The following PRDM16 variants were observed in gnomAD, a reference collection of about 807,000 sequenced individuals.
The protein encoded by PRDM16 is histone-lysine N-methyltransferase PRDM16.
Under a neutral mutation model 110.6 loss-of-function variants are expected in PRDM16, and 23 were observed. The ratio of observed to expected loss-of-function variants is 0.21; its 90% CI spans 0.15 to 0.29. The LOEUF (loss-of-function observed/expected upper bound fraction) is 0.29, where lower values mean the gene tolerates loss of function less well. Among genes scored for constraint, PRDM16 ranks in the 10% least tolerant of loss-of-function variants. The pLI, the probability that PRDM16 is intolerant of heterozygous loss-of-function variation, is 1.00. For synonymous variants in PRDM16, 799 were observed against 781.8 expected (o/e 1.02, Z -0.37); for missense variants, 1,615 against 1,794.3 (o/e 0.90, Z 1.81).
intron 2 of PRDM16, among the ~76,000 whole-genome samples, chr1:3,202,367 C>T (rs1638649629): frequency 3.5e-5 from 1 of 28,258 alleles, no homozygotes; most frequent in African/African-American, 1.4e-4. Context: ...CTGGGGAAGC[C>T]TAGGGGAGGC....
chr1:3,296,795 AT>A (rs1273196050), intron 3 of PRDM16, among the ~76,000 whole-genome samples: 4 of 152,200 alleles, frequency 2.6e-5, no homozygotes, highest in African/African-American at 9.6e-5. Flanking sequence ...TTAAGTGCAG[AT>A]GTTCCTGGAC....
intron 1 of PRDM16, among the ~76,000 whole-genome samples, chr1:3,093,812 C>T (rs1642330123): frequency 6.6e-6 from 1 of 152,194 alleles, no homozygotes; most frequent in South Asian, 2.1e-4. Context: ...CCCAATGTAG[C>T]CCAGCTCCGA....
chr1:3,102,622 G>A (rs776617142), intron 1 of PRDM16, among the ~76,000 whole-genome samples: 2 of 152,198 alleles, frequency 1.3e-5, no homozygotes, highest in South Asian at 2.1e-4. Context: ...GTTTGCCCTC[G>A]GAGACAGGCT....
At chr1:3,267,280 T>A (rs1640317123) in intron 3 of PRDM16, among the ~76,000 whole-genome samples, 1 of 152,248 alleles carries the variant, frequency 6.6e-6, no homozygotes, top group Non-Finnish European at 1.5e-5. Context: ...GTGGCTCTTA[T>A]GGCTAAAATG....
rs529401311 is a variant in PRDM16 at position 3,411,942 on chromosome 1, G to A, written c.1745G>A (p.Arg582His). The change falls in exon 9 of 17, where the codon CGC becomes CAC. Residue 582 changes from arginine to histidine, a missense_variant. Coordinates refer to ENST00000270722, the MANE Select transcript of PRDM16 (RefSeq NM_022114.4). ...AAGPEEKFES[R>H]LEDSCVEKLK... ...GGGCCCGAGGAGAAGTTCGAGAGCC[G>A]CCTGGAGGACTCCTGTGTGGAGAAG... is the stretch of plus-strand genomic sequence containing the variant. The A allele has an allele frequency of 9.6e-5, 155 of 1,613,580 alleles. 1 individual carries two copies. Among genetic ancestry groups the A allele is most frequent in the South Asian group, 9.3e-4 (85 of 91,078 alleles).
At chr1:3,114,606 A>G (rs1642911685) in intron 1 of PRDM16, among the ~76,000 whole-genome samples, 1 of 151,382 alleles carries the variant, frequency 6.6e-6, no homozygotes, top group Admixed American at 6.6e-5. Context: ...GCACATGCAC[A>G]CACGTGCATA....
At chr1:3,180,967 CT>C (rs1644148854) in intron 1 of PRDM16, among the ~76,000 whole-genome samples, 2 of 141,616 alleles carry the variant, frequency 1.4e-5, no homozygotes, top group African/African-American at 2.7e-5. Context: ...GTCTTACACA[CT>C]CGGTCTTACA....
chr1:3,220,934 C>T (rs1235129951), intron 2 of PRDM16, among the ~76,000 whole-genome samples: 3 of 152,342 alleles, frequency 2.0e-5, no homozygotes, highest in Admixed American at 2.0e-4. Flanking sequence ...CCTCTTCCAG[C>T]CCTTTGACAC....
intron 12 of PRDM16, among the ~76,000 whole-genome samples, chr1:3,419,179 G>C (rs1416673433): frequency 6.6e-6 from 1 of 152,186 alleles, no homozygotes; most frequent in African/African-American, 2.4e-5. Context: ...TGGTGGGCCA[G>C]GGAGTGGGCC....
intron 3 of PRDM16, among the ~76,000 whole-genome samples, chr1:3,253,009 C>T (rs12410677): frequency 0.12 from 17,536 of 152,040 alleles, 1,451 homozygotes; most frequent in Admixed American, 0.25. Context: ...GCCGCGTGTG[C>T]AGGAACCCCT....
intron 3 of PRDM16, among the ~76,000 whole-genome samples, chr1:3,354,181 C>T (rs1230237069): frequency 4.6e-5 from 7 of 152,166 alleles, no homozygotes; most frequent in East Asian, 1.9e-4. Context: ...ATTGCTAGGC[C>T]GGGTGTGGCG....
chr1:3,202,088 A>G (rs936176442), intron 2 of PRDM16, among the ~76,000 whole-genome samples: 1 of 150,458 alleles, frequency 6.6e-6, no homozygotes, highest in Non-Finnish European at 1.5e-5. Context: ...AAGCACATCC[A>G]GGAAGCAGCG....
intron 2 of PRDM16, among the ~76,000 whole-genome samples, chr1:3,196,446 G>C (rs1282703225): frequency 6.6e-6 from 1 of 152,252 alleles, no homozygotes; most frequent in African/African-American, 2.4e-5. Context: ...TTGAAAGCAG[G>C]TCCCAAATGT....
intron 2 of PRDM16, among the ~76,000 whole-genome samples, chr1:3,223,601 C>T (rs1455892079): frequency 6.6e-6 from 1 of 152,200 alleles, no homozygotes; most frequent in African/African-American, 2.4e-5. Context: ...TCAAACTAAA[C>T]TCATCCAAAG....
chr1:3,225,010 T>C (rs1328142621), intron 2 of PRDM16, among the ~76,000 whole-genome samples: 1 of 152,268 alleles, frequency 6.6e-6, no homozygotes, highest in African/African-American at 2.4e-5. Flanking sequence ...TTCCCATTTG[T>C]TGCGTTCCTC....
chr1:3,388,097 A>C (rs1457061342), intron 4 of PRDM16, among the ~76,000 whole-genome samples: 1 of 152,254 alleles, frequency 6.6e-6, no homozygotes, highest in Non-Finnish European at 1.5e-5. Flanking sequence ...TAATAAAGCC[A>C]AGAATTTTTT....
intron 3 of PRDM16, among the ~76,000 whole-genome samples, chr1:3,269,793 A>AGACAGGAGGAGCATAAGCCTG (rs1640391886): frequency 9.8e-6 from 1 of 101,882 alleles, no homozygotes; most frequent in African/African-American, 6.3e-5. Context: ...GGAAAGTCTC[A>AGACAGGAGGAGCATAAGCCTG]GAGGAGGACA....
At chr1:3,406,990 T>A (rs1643573973) in intron 8 of PRDM16, among the ~76,000 whole-genome samples, 2 of 152,174 alleles carry the variant, frequency 1.3e-5, no homozygotes, top group African/African-American at 2.4e-5. Context: ...TACAAGATGT[T>A]GAGTGACCGT....
chr1:3,070,984 G>T (rs895610101), intron 1 of PRDM16, among the ~76,000 whole-genome samples: 1 of 152,260 alleles, frequency 6.6e-6, no homozygotes, highest in Admixed American at 6.5e-5. Context: ...ACGCGAAGGG[G>T]CTGTCTGTGC....
Sources: gnomAD v4.1 joint callset for allele counts (sites outside exome capture counted in the v4.1 genomes callset) on GRCh38, gnomAD v4.1.1 for gene constraint, MANE v1.5 for transcripts, NCBI Gene and HGNC (gene_info 2026-07-23, HGNC 2026-07-21) for gene names.